ITPR1: variants seen among roughly 807,000 people sequenced by gnomAD.
ITPR1 encodes inositol 1,4,5-trisphosphate receptor type 1.
Under a neutral mutation model 318.4 loss-of-function variants are expected in ITPR1, and 96 were observed. That is an observed-to-expected ratio of 0.30 (90% CI 0.26 to 0.36). The LOEUF is 0.36. Among genes scored for constraint, ITPR1 ranks in the 10% least tolerant of loss-of-function variants. ITPR1 has a pLI of 1.00. For synonymous variants in ITPR1, 1,312 were observed against 1,289.9 expected (o/e 1.02, Z -0.37); for missense variants, 2,440 against 3,460.2 (o/e 0.71, Z 7.40).
chr3:4,569,858 A>G (rs931329345), intron 4 of ITPR1, among the ~76,000 whole-genome samples: 2 of 152,358 alleles, frequency 1.3e-5, no homozygotes, highest in Non-Finnish European at 2.9e-5. Context: ...GAATGCATTT[A>G]TGCATATTTA....
intron 44 of ITPR1, among the ~76,000 whole-genome samples, chr3:4,747,077 T>G (rs1263136167): frequency 6.6e-6 from 1 of 152,142 alleles, no homozygotes; most frequent in African/African-American, 2.4e-5. Flanking sequence ...CTTCTTTAGG[T>G]GTGGGAGGGA....
intron 42 of ITPR1, among the ~76,000 whole-genome samples, chr3:4,727,731 C>G (rs1420338285): frequency 2.1e-4 from 32 of 152,070 alleles, no homozygotes; most frequent in Admixed American, 2.1e-3. Context: ...CCACACCCGG[C>G]TAGTTTTCTT....
At chr3:4,630,216 A>G (rs2092970655) in intron 5 of ITPR1, among the ~76,000 whole-genome samples, 1 of 152,160 alleles carries the variant, frequency 6.6e-6, no homozygotes, top group African/African-American at 2.4e-5. Context: ...TATAAACCCC[A>G]TGAGTGAGGC....
At chr3:4,624,670 C>CAAAAAAAAAA (rs1161664837) in intron 4 of ITPR1, among the ~76,000 whole-genome samples, 1 of 72,504 alleles carries the variant, frequency 1.4e-5, no homozygotes, top group African/African-American at 4.3e-5. Flanking sequence ...GCTCTGTCTC[C>CAAAAAAAAAA]AAAAAAAAAA....
intron 35 of ITPR1, among the ~76,000 whole-genome samples, chr3:4,700,778 G>A (rs982228908): frequency 6.6e-6 from 1 of 152,180 alleles, no homozygotes; most frequent in Non-Finnish European, 1.5e-5. Context: ...AGAAGAAAAA[G>A]GTTTAGTGGA....
Position 4,644,145 on chromosome 3 carries a change from G to A in ITPR1, c.535G>A (p.Gly179Ser). The change falls in exon 8 of 62, where the codon GGT becomes AGT. Residue 179 changes from glycine to serine, a missense_variant. Around this residue, in one of 23 missense-constraint regions of ITPR1, gnomAD observed 186 missense variants for 323.9 expected, o/e 0.57. Transcript: ENST00000649015. ...CTCCTTTCCATTCCAGGTGGTCATA[G>A]GTGACAAGGTGGTTCTGAACCCCGT... ...LRSIGDSVVI[G>S]DKVVLNPVNA... 6.2e-7 allele frequency: 1 copy of A among 1,610,040 alleles called. No individual in the cohort carries two copies. Among genetic ancestry groups the A allele is most frequent in the Non-Finnish European group, 8.5e-7 (1 of 1,177,700 alleles).
At chr3:4,602,010 A>G (rs1391822118) in intron 4 of ITPR1, among the ~76,000 whole-genome samples, 1 of 152,224 alleles carries the variant, frequency 6.6e-6, no homozygotes, top group Non-Finnish European at 1.5e-5. Context: ...AATCCCTAGG[A>G]TGGCTAGAGT....
At chr3:4,813,489 A>G (rs2049075073) in intron 57 of ITPR1, among the ~76,000 whole-genome samples, 1 of 152,208 alleles carries the variant, frequency 6.6e-6, no homozygotes, top group African/African-American at 2.4e-5. Context: ...AGAGACAGTA[A>G]TGTAGTGGAG....
intron 52 of ITPR1, among the ~76,000 whole-genome samples, chr3:4,788,701 T>C (rs1357939302): frequency 3.3e-5 from 5 of 152,244 alleles, no homozygotes; most frequent in African/African-American, 4.8e-5. Context: ...AACACATTCG[T>C]AGGGCTTCCC....
chr3:4,835,988 A>T (rs892306522), intron 60 of ITPR1, among the ~76,000 whole-genome samples: 2 of 152,206 alleles, frequency 1.3e-5, no homozygotes, highest in East Asian at 3.8e-4. Flanking sequence ...AGTGGTTTCT[A>T]TAAGCTCATA....
At position 4,754,123 on chromosome 3, in the gene ITPR1, T is replaced by A. The variant is rs146701694; in HGVS notation, c.5545-12407T>A. Among the ~76,000 whole-genome samples the A allele has an allele frequency of 1.1e-4, 16 of 151,648 alleles. 1 individual carries two copies. In the East Asian group the frequency reaches 1.6e-3, roughly 15 times the overall value. On this transcript the variant is annotated intron_variant, in intron 44 of 61. Coordinates refer to ENST00000649015, the MANE Select transcript of ITPR1 (RefSeq NM_001378452.1). ...TGAATTCCCTGGGAACCTCGGAGCA[T>A]TGAGGACAGGAAATGTTGGTTGGTG...
chr3:4,588,611 C>T (rs1044194891), intron 4 of ITPR1, among the ~76,000 whole-genome samples: 2 of 152,102 alleles, frequency 1.3e-5, no homozygotes, highest in Admixed American at 1.3e-4. Flanking sequence ...CTCATCCACT[C>T]CTTGAGGTTA....
chr3:4,630,159 A>G (rs368858527), intron 5 of ITPR1, among the ~76,000 whole-genome samples: 8 of 152,174 alleles, frequency 5.3e-5, no homozygotes, highest in African/African-American at 1.7e-4. Context: ...ATGCTCAGGG[A>G]TGACTGCTCT....
chr3:4,509,432 C>A (rs2081632913), intron 2 of ITPR1, among the ~76,000 whole-genome samples: 1 of 152,136 alleles, frequency 6.6e-6, no homozygotes, highest in Non-Finnish European at 1.5e-5. Flanking sequence ...TTGAAAAGGG[C>A]CAAGTAGGTT....
At position 4,706,228 on chromosome 3, in the gene ITPR1, C is replaced by G. The variant is rs375679048; in HGVS notation, c.4719C>G (p.Leu1573=). ...ACAGCCAAGTCAACAACCTCTTTCT[C>G]AAGTCCCACAGCATTGTGCAGAAAA... is the stretch of plus-strand genomic sequence containing the variant. ...DLDSQVNNLF[L]KSHSIVQKTA... Residue 1573 remains leucine (L), a synonymous_variant, in exon 37 of 62, where the codon CTC becomes CTG. Transcript: ENST00000649015. 88 of 1,613,946 alleles carry G rather than the reference C, an allele frequency of 5.5e-5. 1 individual carries two copies. The highest frequency in any genetic ancestry group is 7.2e-5 in the Non-Finnish European group (85 of 1,179,912).
Position 4,552,996 on chromosome 3 carries a change from G to A in ITPR1, c.163+31902G>A, listed in dbSNP as rs151030529. On this transcript the variant is annotated intron_variant, in intron 4 of 61. Transcript: ENST00000649015. The stretch of plus-strand genomic sequence containing the variant: ...CTAGATTGTGGGTAGGGACTTTCTC[G>A]TTGACCCCAGCATCCCCAACACAAA... 1.2e-4 allele frequency among the ~76,000 whole-genome samples: 19 copies of A among 152,244 alleles called. No individual in the cohort carries two copies. The East Asian group carries it at 2.7e-3, about 22-fold the overall frequency.
At chr3:4,730,225 A>C (rs1467193338) in intron 42 of ITPR1, among the ~76,000 whole-genome samples, 4 of 147,510 alleles carry the variant, frequency 2.7e-5, no homozygotes, top group East Asian at 3.9e-4. Context: ...TTAAAAAAAA[A>C]AAAAACAAAA....
chr3:4,724,738 AG>A (rs2042387993), intron 40 of ITPR1, among the ~76,000 whole-genome samples: 1 of 152,174 alleles, frequency 6.6e-6, no homozygotes, highest in Admixed American at 6.5e-5. Flanking sequence ...ACCTTTGTGT[AG>A]CCCCTGCATG....
intron 7 of ITPR1, among the ~76,000 whole-genome samples, chr3:4,643,226 T>C (rs2093377973): frequency 6.6e-6 from 1 of 152,248 alleles, no homozygotes; most frequent in Non-Finnish European, 1.5e-5. Flanking sequence ...AATGAACTTA[T>C]ATTCATTTGG....
Sources: gnomAD v4.1 joint callset for allele counts (sites outside exome capture counted in the v4.1 genomes callset) on GRCh38, gnomAD v4.1.1 for gene constraint, gnomAD v4.1.1 regional missense constraint, MANE v1.5 for transcripts, NCBI Gene and HGNC (gene_info 2026-07-23, HGNC 2026-07-21) for gene names.